The following TCF12 variants were observed in gnomAD, a reference collection of about 807,000 sequenced individuals.
TCF12 encodes the protein transcription factor 12, also known as DNA-binding protein HTF4.
TCF12 carries 45 observed loss-of-function variants against 86.0 expected under a neutral mutation model. The observed-to-expected ratio is 0.52, with a 90% confidence interval of 0.41 to 0.67. TCF12 has a LOEUF of 0.67. Among genes scored for constraint, TCF12 ranks in the 30% least tolerant of loss-of-function variants. The probability of loss-of-function intolerance (pLI) is 0.00; values close to 1 mark genes in which losing one functional copy is unlikely to be tolerated. For synonymous variants in TCF12, 330 were observed against 299.6 expected (o/e 1.10, Z -1.05); for missense variants, 881 against 859.9 (o/e 1.02, Z -0.31).
At chr15:57,219,474 G>T in intron 8 of TCF12, 1 of 1,593,470 alleles carries the variant, frequency 6.3e-7, no homozygotes, top group Non-Finnish European at 8.6e-7. Flanking sequence ...ATGTCTTGGA[G>T]AGAGGCTGTG....
intron 3 of TCF12, among the ~76,000 whole-genome samples, chr15:56,983,569 C>G (rs370130456): frequency 6.6e-6 from 1 of 152,108 alleles, no homozygotes; most frequent in East Asian, 1.9e-4. Flanking sequence ...CTAGAGAGAT[C>G]TATTGCAGAA....
intron 3 of TCF12, among the ~76,000 whole-genome samples, chr15:57,002,201 G>C (rs1489862211): frequency 6.6e-6 from 1 of 152,154 alleles, no homozygotes; most frequent in African/African-American, 2.4e-5. Context: ...TGTTGTGTGT[G>C]CAAGATGAAG....
chr15:57,278,419 GGAGCATTCA>G (rs2061501996), intron 19 of TCF12, among the ~76,000 whole-genome samples: 2 of 152,048 alleles, frequency 1.3e-5, no homozygotes, highest in Admixed American at 6.5e-5. Flanking sequence ...TAGATCTCTT[GGAGCATTCA>G]GTGGTGGGGT....
At chr15:57,200,194 T>G (rs545122965) in intron 8 of TCF12, among the ~76,000 whole-genome samples, 1 of 152,014 alleles carries the variant, frequency 6.6e-6, no homozygotes, top group Non-Finnish European at 1.5e-5. Context: ...ATCTCAAGTA[T>G]TTAAAAAAGA....
intron 5 of TCF12, among the ~76,000 whole-genome samples, chr15:57,103,526 A>C (rs1309366716): frequency 6.6e-6 from 1 of 152,220 alleles, no homozygotes; most frequent in Non-Finnish European, 1.5e-5. Flanking sequence ...AAACAGTCCC[A>C]AACGCACTTA....
At chr15:56,997,980 AT>A (rs2063801943) in intron 3 of TCF12, among the ~76,000 whole-genome samples, 1 of 152,272 alleles carries the variant, frequency 6.6e-6, no homozygotes, top group African/African-American at 2.4e-5. Context: ...TTACATATTG[AT>A]AAAAGAATTG....
chr15:57,073,915 A>AT (rs1350928819), intron 4 of TCF12, among the ~76,000 whole-genome samples: 6 of 151,410 alleles, frequency 4.0e-5, no homozygotes, highest in Non-Finnish European at 5.9e-5. Flanking sequence ...CTCCTGGCTA[A>AT]TTTTTTTTGT....
intron 3 of TCF12, among the ~76,000 whole-genome samples, chr15:56,949,802 A>C (rs976563319): frequency 6.6e-6 from 1 of 152,162 alleles, no homozygotes; most frequent in Non-Finnish European, 1.5e-5. Flanking sequence ...CTTTAATAGA[A>C]ATGGTTAAAG....
intron 5 of TCF12, among the ~76,000 whole-genome samples, chr15:57,093,029 A>C (rs1017592083): frequency 6.6e-6 from 1 of 152,214 alleles, no homozygotes; most frequent in Non-Finnish European, 1.5e-5. Context: ...GGCGGTTGAC[A>C]GTTTGAAGCC....
At chr15:57,011,886 T>C (rs2064853873) in intron 3 of TCF12, among the ~76,000 whole-genome samples, 1 of 152,210 alleles carries the variant, frequency 6.6e-6, no homozygotes, top group African/African-American at 2.4e-5. Context: ...GATTACATTT[T>C]GAGAAACAGC....
chr15:56,963,226 A>G (rs548600364), intron 3 of TCF12, among the ~76,000 whole-genome samples: 4 of 152,032 alleles, frequency 2.6e-5, no homozygotes, highest in African/African-American at 7.2e-5. Flanking sequence ...AATTTTTTCA[A>G]CTTGGGAATG....
At chr15:57,113,468 C>T (rs2050632844) in intron 5 of TCF12, among the ~76,000 whole-genome samples, 1 of 152,144 alleles carries the variant, frequency 6.6e-6, no homozygotes, top group Non-Finnish European at 1.5e-5. Flanking sequence ...CTACAATATG[C>T]CTGAAATATA....
intron 3 of TCF12, among the ~76,000 whole-genome samples, chr15:57,032,141 C>T (rs2066236370): frequency 6.6e-6 from 1 of 152,118 alleles, no homozygotes; most frequent in African/African-American, 2.4e-5. Context: ...AAGTCGTATA[C>T]AGACACCTTG....
At chr15:56,960,825 C>T (rs971646567) in intron 3 of TCF12, among the ~76,000 whole-genome samples, 1 of 151,962 alleles carries the variant, frequency 6.6e-6, no homozygotes, top group African/African-American at 2.4e-5. Context: ...GATTCTCAAC[C>T]TTGAAGAATT....
At chr15:56,954,213 T>C (rs1456370840) in intron 3 of TCF12, among the ~76,000 whole-genome samples, 1 of 152,330 alleles carries the variant, frequency 6.6e-6, no homozygotes, top group South Asian at 2.1e-4. Flanking sequence ...TGGGGAAATA[T>C]TCTTTCTAGA....
At chr15:57,093,134 T>C (rs547075632) in intron 5 of TCF12, among the ~76,000 whole-genome samples, 25 of 152,300 alleles carry the variant, frequency 1.6e-4, no homozygotes, top group African/African-American at 6.0e-4. Context: ...CGTAAATAAA[T>C]GCACATAGAA....
At chr15:56,938,762 A>G (rs1028998974) in intron 3 of TCF12, among the ~76,000 whole-genome samples, 42 of 151,148 alleles carry the variant, frequency 2.8e-4, no homozygotes, top group African/African-American at 9.2e-4. Flanking sequence ...CAAAGGCCCT[A>G]TCTCCATTGG....
At position 57,082,506 on chromosome 15, in the gene TCF12, T is replaced by C. The variant is rs564345953; in HGVS notation, c.223-9283T>C. On this transcript the variant is annotated intron_variant, in intron 4 of 20. Coordinates refer to ENST00000333725, the MANE Select transcript of TCF12 (RefSeq NM_207037.2). Reference sequence around the variant, plus strand: ...CATTTTTTATGGCAAAGGACTGCCTTTGGACCCAGGCCAAACTATTTCAGA... The same window carrying C: ...CATTTTTTATGGCAAAGGACTGCCTCTGGACCCAGGCCAAACTATTTCAGA... Among the ~76,000 whole-genome samples, 24 of 152,360 alleles carry C rather than the reference T, an allele frequency of 1.6e-4. 1 individual carries two copies. The South Asian group carries it at 5.0e-3, about 32-fold the overall frequency.
At chr15:57,091,211 A>G (rs1336657177) in intron 4 of TCF12, among the ~76,000 whole-genome samples, 1 of 152,124 alleles carries the variant, frequency 6.6e-6, no homozygotes, top group Non-Finnish European at 1.5e-5. Context: ...GTATAAACAG[A>G]CCTTTTTTGT....
Sources: allele counts gnomAD v4.1 joint callset (sites outside exome capture counted in the v4.1 genomes callset), GRCh38; gene constraint gnomAD v4.1.1; transcripts MANE v1.5; gene names NCBI Gene and HGNC (gene_info 2026-07-23, HGNC 2026-07-21).